Variants in COA1 observed in about 807,000 individuals in gnomAD.
The protein encoded by COA1 is cytochrome c oxidase assembly factor 1, also known as cytochrome c oxidase assembly factor 1 homolog.
A neutral mutation model predicts 16.0 loss-of-function variants in COA1; 13 were observed. The ratio of observed to expected loss-of-function variants is 0.81; its 90% CI spans 0.53 to 1.29. COA1 has a LOEUF of 1.29. COA1 is among the 50% of genes most tolerant of loss of function. The pLI, the probability that COA1 is intolerant of heterozygous loss-of-function variation, is 0.00. For missense variants in COA1, 179 were observed against 177.0 expected (o/e 1.01, Z -0.06); for synonymous variants, 65 against 65.7 (o/e 0.99, Z 0.05).
intron 4 of COA1, among the ~76,000 whole-genome samples, chr7:43,644,748 A>AGATAGATAGATGGATG (rs1554501244): frequency 2.8e-4 from 25 of 90,280 alleles, no homozygotes; most frequent in East Asian, 4.5e-4. Flanking sequence ...ATAGATAGAT[A>AGATAGATAGATGGATG]GATAGATAGA....
chr7:43,623,810 G>T, intron 6 of COA1: 1 of 1,605,604 alleles, frequency 6.2e-7, no homozygotes. Context: ...ATGAATTTAA[G>T]TTATTCTGAG....
chr7:43,661,151 C>T (rs1448305732), intron 1 of COA1, among the ~76,000 whole-genome samples: 4 of 152,230 alleles, frequency 2.6e-5, no homozygotes. Flanking sequence ...ACAATAGTTA[C>T]TTTAGTATGC....
chr7:43,629,860 C>T (rs1217382675), intron 6 of COA1, among the ~76,000 whole-genome samples: 2 of 152,266 alleles, frequency 1.3e-5, no homozygotes, highest in East Asian at 3.9e-4. Context: ...CTTTTACCTC[C>T]GTGGATTCTA....
chr7:43,706,347 G>A (rs1246108502), intron 1 of COA1, among the ~76,000 whole-genome samples: 7 of 151,674 alleles, frequency 4.6e-5, no homozygotes, highest in Non-Finnish European at 1.0e-4. Context: ...CTAGCCTGAG[G>A]AACATGGCAA....
intron 4 of COA1, among the ~76,000 whole-genome samples, chr7:43,644,819 G>GAGAGAGAGAGAGAGAGAGAGAC (rs1563230597): frequency 1.4e-5 from 2 of 147,332 alleles, no homozygotes; most frequent in Non-Finnish European, 1.5e-5. Flanking sequence ...GAGAGAGAGA[G>GAGAGAGAGAGAGAGAGAGAGAC]AGAGAGAGAG....
intron 1 of COA1, among the ~76,000 whole-genome samples, chr7:43,710,830 G>T (rs2095222287): frequency 6.6e-6 from 1 of 152,128 alleles, no homozygotes; most frequent in South Asian, 2.1e-4. Flanking sequence ...TGGTATCTGT[G>T]ATATTTGTTT....
intron 1 of COA1, among the ~76,000 whole-genome samples, chr7:43,716,609 T>C (rs942763016): frequency 3.9e-5 from 6 of 152,040 alleles, no homozygotes; most frequent in African/African-American, 1.5e-4. Flanking sequence ...AGCCTGACAA[T>C]GTGATAGGAA....
In COA1 at chr7:43,640,537, T is replaced by G. The variant is rs1340742745; in HGVS notation, c.341+36A>C. The G allele has an allele frequency of 2.0e-6, 3 of 1,472,362 alleles. No homozygotes were observed. The African/African-American group carries it at 4.2e-5, about 21-fold the overall frequency. 91.2% of individuals were successfully genotyped at this position (1,472,362 alleles called of 1,614,324 possible). On this transcript the variant is annotated intron_variant, in intron 5 of 5. Coordinates refer to ENST00000223336, the MANE Select transcript of COA1 (RefSeq NM_018224.4). ...GGTTGCTTTCATCAGGAAGTCTTCC[T>G]CCCGCTCCCCCACTGCCGTCACCTT... is the stretch of plus-strand genomic sequence containing the variant.
intron 1 of COA1, among the ~76,000 whole-genome samples, chr7:43,683,994 GA>G (rs2093896101): frequency 6.6e-6 from 1 of 152,168 alleles, no homozygotes; most frequent in South Asian, 2.1e-4. Context: ...AATGGGACCG[GA>G]ATCATTTGAG....
At chr7:43,659,062 G>A (rs576469793) in intron 1 of COA1, 2 of 152,368 alleles carry the variant, frequency 1.3e-5, no homozygotes, top group East Asian at 1.9e-4. Context: ...TCTCTAGAAA[G>A]GACAAGAATG....
chr7:43,683,886 C>T (rs573845811), intron 1 of COA1, among the ~76,000 whole-genome samples: 3 of 152,116 alleles, frequency 2.0e-5, no homozygotes, highest in Non-Finnish European at 4.4e-5. Flanking sequence ...TTTTATCATA[C>T]GCATGAATTC....
chr7:43,665,306 T>C (rs1563307012), intron 1 of COA1, among the ~76,000 whole-genome samples: 1 of 152,210 alleles, frequency 6.6e-6, no homozygotes. Flanking sequence ...ACACAGTATT[T>C]AACGAGCAGT....
At chr7:43,712,248 G>A (rs2095274502) in intron 1 of COA1, among the ~76,000 whole-genome samples, 1 of 152,112 alleles carries the variant, frequency 6.6e-6, no homozygotes, top group Non-Finnish European at 1.5e-5. Context: ...GAGTACCTGG[G>A]ACTACAGGCG....
At chr7:43,699,690 T>C (rs973519427) in intron 1 of COA1, among the ~76,000 whole-genome samples, 1 of 152,198 alleles carries the variant, frequency 6.6e-6, no homozygotes, top group Non-Finnish European at 1.5e-5. Context: ...ATATTTAGAA[T>C]GCTGTCAACA....
intron 6 of COA1, among the ~76,000 whole-genome samples, chr7:43,618,423 T>C (rs2083546467): frequency 6.6e-6 from 1 of 152,148 alleles, no homozygotes; most frequent in African/African-American, 2.4e-5. Flanking sequence ...ACAGACTGTT[T>C]GATTTGGAGC....
At chr7:43,688,710 C>T (rs1251063865) in intron 1 of COA1, among the ~76,000 whole-genome samples, 1 of 152,144 alleles carries the variant, frequency 6.6e-6, no homozygotes, top group Non-Finnish European at 1.5e-5. Context: ...ATCTTAATGA[C>T]CTGTCATTCT....
intron 6 of COA1, among the ~76,000 whole-genome samples, chr7:43,612,616 A>G (rs2082976216): frequency 6.6e-6 from 1 of 152,008 alleles, no homozygotes; most frequent in South Asian, 2.1e-4. Context: ...AAAATGGGAA[A>G]CTCCTGTCCC....
At chr7:43,631,757 T>C (rs1180207756) in intron 6 of COA1, 1 of 152,230 alleles carries the variant, frequency 6.6e-6, no homozygotes, top group African/African-American at 2.4e-5. Context: ...AACTCAGAAA[T>C]ACGCATCACT....
rs1286052880 is a variant in COA1 at position 43,632,224 on chromosome 7, CCTT to C, written c.*133+7222_*133+7224del. On this transcript the variant is annotated intron_variant and NMD_transcript_variant, in intron 6 of 6. Coordinates refer to the COA1 transcript ENST00000415076. The stretch of plus-strand genomic sequence containing the variant: ...GAGTAGATTCCATTTCAAGAAATCA[CCTT>C]CTTTGCTCGTCCATGAGAAGGAACT... 6.0e-5 allele frequency: 10 copies of C among 166,846 alleles called. No homozygotes were observed. The East Asian group carries it at 1.0e-3, about 17-fold the overall frequency. The allele number at this position is 166,846 out of a possible 1,614,324, so 10.3% of individuals were successfully genotyped here.
Sources: gnomAD v4.1 joint callset for allele counts (sites outside exome capture counted in the v4.1 genomes callset) on GRCh38, gnomAD v4.1.1 for gene constraint, MANE v1.5 for transcripts, NCBI Gene and HGNC (gene_info 2026-07-23, HGNC 2026-07-21) for gene names.